Variants in TMTC2 observed in about 807,000 individuals in gnomAD.
TMTC2 encodes the protein protein O-mannosyl-transferase TMTC2.
In TMTC2, 43 loss-of-function variants were observed where a neutral mutation model predicts 82.4. The ratio of observed to expected loss-of-function variants is 0.52; its 90% CI spans 0.41 to 0.67. The LOEUF (loss-of-function observed/expected upper bound fraction) is 0.67. Ranked by LOEUF, TMTC2 falls within the 30% of genes least tolerant of loss-of-function variation. The probability of loss-of-function intolerance (pLI) is 0.00; values close to 1 mark genes in which losing one functional copy is unlikely to be tolerated. For synonymous variants in TMTC2, 408 were observed against 381.9 expected (o/e 1.07, Z -0.80); for missense variants, 919 against 1,012.4 (o/e 0.91, Z 1.25).
At chr12:82,836,149 T>C (rs1410206859) in intron 1 of TMTC2, among the ~76,000 whole-genome samples, 1 of 101,242 alleles carries the variant, frequency 9.9e-6, no homozygotes, top group Non-Finnish European at 1.6e-5. Flanking sequence ...TGGAATAGCT[T>C]GTATGCTTGT....
At chr12:82,731,198 G>A (rs997381410) in intron 1 of TMTC2, among the ~76,000 whole-genome samples, 2 of 152,206 alleles carry the variant, frequency 1.3e-5, no homozygotes, top group Non-Finnish European at 2.9e-5. Context: ...CCACTTGATA[G>A]TTGTCACAAC....
intron 4 of TMTC2, among the ~76,000 whole-genome samples, chr12:82,931,263 A>C (rs1876015996): frequency 6.6e-6 from 1 of 152,176 alleles, no homozygotes; most frequent in Non-Finnish European, 1.5e-5. Context: ...GCTGTATCAA[A>C]GTATATATAG....
intron 10 of TMTC2, among the ~76,000 whole-genome samples, chr12:83,052,234 A>AT (rs748449492): frequency 1.3e-5 from 2 of 151,810 alleles, no homozygotes; most frequent in African/African-American, 2.4e-5. Context: ...TAGAAGGACT[A>AT]TTTTTTTTAG....
intron 8 of TMTC2, among the ~76,000 whole-genome samples, chr12:83,022,217 A>G (rs1880964692): frequency 6.6e-6 from 1 of 151,880 alleles, no homozygotes; most frequent in African/African-American, 2.4e-5. Flanking sequence ...TTTTTATGGG[A>G]TTTGCTCAAC....
intron 7 of TMTC2, among the ~76,000 whole-genome samples, chr12:82,971,073 A>G (rs996352178): frequency 6.6e-6 from 1 of 152,134 alleles, no homozygotes; most frequent in Non-Finnish European, 1.5e-5. Flanking sequence ...TGTATTTTAG[A>G]ATCATAGAAT....
At chr12:83,066,715 A>AT (rs1220551998) in intron 11 of TMTC2, among the ~76,000 whole-genome samples, 1 of 151,964 alleles carries the variant, frequency 6.6e-6, no homozygotes, top group African/African-American at 2.4e-5. Context: ...TAAGCAATAG[A>AT]TTATTTCAAA....
At chr12:82,936,236 C>T (rs1202436680) in intron 4 of TMTC2, among the ~76,000 whole-genome samples, 3 of 151,996 alleles carry the variant, frequency 2.0e-5, no homozygotes, top group Non-Finnish European at 2.9e-5. Context: ...GGAATTATCT[C>T]GACAAGGAAC....
intron 1 of TMTC2, among the ~76,000 whole-genome samples, chr12:82,741,081 T>C (rs1875383213): frequency 6.6e-6 from 1 of 152,236 alleles, no homozygotes; most frequent in African/African-American, 2.4e-5. Context: ...ATACCCACTT[T>C]GAAATTTGCA....
chr12:82,994,283 A>T (rs1879521694), intron 8 of TMTC2, among the ~76,000 whole-genome samples: 1 of 152,114 alleles, frequency 6.6e-6, no homozygotes. Context: ...CCTCTGAAGT[A>T]GCTGGGACTA....
chr12:83,034,369 A>G (rs1881578353), intron 9 of TMTC2, among the ~76,000 whole-genome samples: 1 of 152,216 alleles, frequency 6.6e-6, no homozygotes, highest in Admixed American at 6.5e-5. Flanking sequence ...CAGCAGAGAA[A>G]AAAAAACCTA....
At chr12:82,865,110 A>T (rs1285382769) in intron 2 of TMTC2, among the ~76,000 whole-genome samples, 3 of 151,264 alleles carry the variant, frequency 2.0e-5, no homozygotes, top group Non-Finnish European at 4.4e-5. Context: ...CTGTAATCCC[A>T]GCTACTCGGG....
At chr12:82,932,722 A>G (rs1434790572) in intron 4 of TMTC2, among the ~76,000 whole-genome samples, 3 of 152,114 alleles carry the variant, frequency 2.0e-5, no homozygotes, top group African/African-American at 7.2e-5. Flanking sequence ...CCGATCCTTC[A>G]TACATTTTTG....
At chr12:82,931,814 G>C (rs1876045250) in intron 4 of TMTC2, among the ~76,000 whole-genome samples, 3 of 152,044 alleles carry the variant, frequency 2.0e-5, no homozygotes, top group Non-Finnish European at 4.4e-5. Context: ...GAACTGTTTT[G>C]TCTCAGTGTC....
At chr12:82,752,266 C>T (rs778602310) in intron 1 of TMTC2, among the ~76,000 whole-genome samples, 2 of 151,436 alleles carry the variant, frequency 1.3e-5, no homozygotes, top group Non-Finnish European at 2.9e-5. Context: ...GGGCAGATCA[C>T]CTGAGGTCAG....
At chr12:82,844,796 C>T (rs1297567885) in intron 1 of TMTC2, among the ~76,000 whole-genome samples, 3 of 145,756 alleles carry the variant, frequency 2.1e-5, no homozygotes, top group Admixed American at 1.4e-4. Flanking sequence ...AGTGAGACTC[C>T]GTCTCAAAAA....
At chr12:83,006,537 T>C (rs1221428903) in intron 8 of TMTC2, among the ~76,000 whole-genome samples, 1 of 152,190 alleles carries the variant, frequency 6.6e-6, no homozygotes, top group Non-Finnish European at 1.5e-5. Context: ...GTGGAAGACA[T>C]TGTGGCGATT....
At chr12:82,928,146 T>C (rs1280198341) in intron 3 of TMTC2, among the ~76,000 whole-genome samples, 1 of 151,918 alleles carries the variant, frequency 6.6e-6, no homozygotes, top group Non-Finnish European at 1.5e-5. Context: ...AGGTATGTCT[T>C]TGCTATTAGT....
intron 1 of TMTC2, among the ~76,000 whole-genome samples, chr12:82,837,697 A>T (rs1258601354): frequency 6.6e-6 from 1 of 152,206 alleles, no homozygotes; most frequent in Non-Finnish European, 1.5e-5. Context: ...AGTATGTTGC[A>T]CTAATTTTGC....
At chr12:82,935,910 A>G (rs1876291460) in intron 4 of TMTC2, among the ~76,000 whole-genome samples, 1 of 152,108 alleles carries the variant, frequency 6.6e-6, no homozygotes, top group South Asian at 2.1e-4. Context: ...TTAAGAGTAG[A>G]GAAAATATAA....
Sources: gnomAD v4.1 joint callset for allele counts (sites outside exome capture counted in the v4.1 genomes callset) on GRCh38, gnomAD v4.1.1 for gene constraint, MANE v1.5 for transcripts, NCBI Gene and HGNC (gene_info 2026-07-23, HGNC 2026-07-21) for gene names.